Variants in EMID1 observed in about 807,000 individuals in gnomAD.
EMID1 encodes EMI domain containing 1, also known as EMI domain-containing protein 1.
EMID1 carries 40 observed loss-of-function variants against 60.6 expected under a neutral mutation model. The ratio of observed to expected loss-of-function variants is 0.66; its 90% confidence interval spans 0.51 to 0.86. The LOEUF is 0.86. EMID1 is among the 40% of genes least tolerant of loss of function. The pLI is 0.00. For synonymous variants in EMID1, 242 were observed against 231.0 expected (o/e 1.05, Z -0.43); for missense variants, 585 against 597.1 (o/e 0.98, Z 0.21).
chr22:29,225,355 A>C, intron 4 of EMID1, 139 bp downstream of exon 4: 1 of 889,614 alleles, frequency 1.1e-6, no homozygotes, highest in Non-Finnish European at 1.7e-6. Context: ...TTCCCACCCC[A>C]TGCTCCCCAG....
chr22:29,233,029 G>A (rs543447441), intron 8 of EMID1: 1 of 305,962 alleles, frequency 3.3e-6, no homozygotes, highest in East Asian at 6.5e-5. Flanking sequence ...TCCCAGAGCT[G>A]CGTAACATCC....
At chr22:29,221,471 T>C (rs1348628746) in intron 3 of EMID1, among the ~76,000 whole-genome samples, 1 of 152,136 alleles carries the variant, frequency 6.6e-6, no homozygotes, top group Non-Finnish European at 1.5e-5. Context: ...GTCTCCTGGG[T>C]TCACGCCATT....
chr22:29,252,040 C>G (rs1199078660), intron 13 of EMID1, among the ~76,000 whole-genome samples: 1 of 152,224 alleles, frequency 6.6e-6, no homozygotes, highest in African/African-American at 2.4e-5. Context: ...AACTCCTAGC[C>G]TCAGGTGATG....
chr22:29,213,340 G>A (rs1006838461), intron 1 of EMID1, among the ~76,000 whole-genome samples: 2 of 152,190 alleles, frequency 1.3e-5, no homozygotes, highest in South Asian at 4.1e-4. Flanking sequence ...CTCTGCATGG[G>A]ATGGCTGGCT....
chr22:29,255,504 G>T (rs772390275), intron 14 of EMID1: 1 of 597,998 alleles, frequency 1.7e-6, no homozygotes, highest in African/African-American at 1.8e-5. Flanking sequence ...AGCAAATGGT[G>T]CCTGGCAGAG....
In EMID1 at chr22:29,234,499, C is replaced by T. The variant is rs2040872575; in HGVS notation, c.1074+150C>T. ...GCTCCCTGTCTCTGAGACTCATTGTCCTCTTTGGATTAGGCTGCCTCTGTC... is the reference window on the plus strand; with the variant it reads ...GCTCCCTGTCTCTGAGACTCATTGTTCTCTTTGGATTAGGCTGCCTCTGTC... On this transcript the variant is annotated intron_variant, in intron 12 of 14. Transcript: ENST00000334018. 3 of 938,028 alleles carry T rather than the reference C, an allele frequency of 3.2e-6. No individual in the cohort carries two copies. In the Admixed American group the frequency reaches 8.0e-5, roughly 25 times the overall value. 58.1% of individuals were successfully genotyped at this position (938,028 alleles called of 1,614,324 possible).
chr22:29,213,080 C>A (rs1018405124), intron 1 of EMID1, among the ~76,000 whole-genome samples: 1 of 152,142 alleles, frequency 6.6e-6, no homozygotes, highest in Non-Finnish European at 1.5e-5. Context: ...TACATGTGCA[C>A]GCATATAGAA....
chr22:29,233,898 A>C, intron 10 of EMID1: 4 of 665,120 alleles, frequency 6.0e-6, no homozygotes, highest in Non-Finnish European at 1.0e-5. Flanking sequence ...ACCTAAGACC[A>C]AGAAAAGTAG....
At chr22:29,218,733 C>T (rs1270312019) in intron 3 of EMID1, among the ~76,000 whole-genome samples, 7 of 152,230 alleles carry the variant, frequency 4.6e-5, no homozygotes, top group Admixed American at 4.6e-4. Context: ...GGCCTGACCC[C>T]TGAGTGCCTG....
At chr22:29,231,193 G>C (rs1331951025) in intron 6 of EMID1, 53 bp downstream of exon 6, 11 of 1,536,220 alleles carry the variant, frequency 7.2e-6, no homozygotes, top group Admixed American at 4.1e-5. Context: ...GTTGGGAATC[G>C]GGGAAGTGGG....
intron 1 of EMID1, among the ~76,000 whole-genome samples, chr22:29,213,601 G>A (rs1301880432): frequency 6.6e-6 from 1 of 152,108 alleles, no homozygotes; most frequent in East Asian, 1.9e-4. Context: ...CACTGTGGTC[G>A]GCATGGGAGT....
Position 29,214,923 on chromosome 22 carries a change from C to G in EMID1, c.102-3C>G. On this transcript the variant is annotated splice_region_variant and splice_polypyrimidine_tract_variant and intron_variant, in intron 1 of 14. Coordinates refer to ENST00000334018, the MANE Select transcript of EMID1 (RefSeq NM_133455.4). ...GAGTTTCCTCTCTTTGGGTCTGTTTCAGGAACTGGTGCTCCTATGTGGTGA... is the reference window on the plus strand; with the variant it reads ...GAGTTTCCTCTCTTTGGGTCTGTTTGAGGAACTGGTGCTCCTATGTGGTGA... 1 of 1,520,642 alleles carries G rather than the reference C, an allele frequency of 6.6e-7. No individual in the cohort carries two copies. Among genetic ancestry groups the G allele is most frequent in the African/African-American group, 1.4e-5 (1 of 72,838 alleles). The allele number at this position is 1,520,642 out of a possible 1,614,324, so 94.2% of individuals were successfully genotyped here. A position where few individuals can be genotyped will look rare whatever the true frequency, so the allele number is the denominator to read the frequency against.
rs199875803 is a variant in EMID1 at position 29,232,332 on chromosome 22, A to G, written c.753A>G (p.Pro251=). The G allele has an allele frequency of 1.9e-6, 3 of 1,609,550 alleles. No homozygotes were observed. The highest frequency in any genetic ancestry group is 2.0e-4 in the Middle Eastern group (1 of 4,922). ...GTPGERGPPG[P]PGPPGPPGPP... ...CTGGAGAGAGGGGACCTCCTGGGCC[A>G]CCAGGGCCTCCTGGCCCCCCTGGGC... Residue 251 remains proline, a synonymous_variant, in exon 8 of 15, where the codon CCA becomes CCG. Transcript: ENST00000334018.
chr22:29,255,213 C>T (rs541653150), intron 14 of EMID1: 4 of 1,145,518 alleles, frequency 3.5e-6, no homozygotes, highest in Middle Eastern at 2.3e-4. Flanking sequence ...GCTTGGCTCC[C>T]CAGCCCAGCC....
intron 1 of EMID1, among the ~76,000 whole-genome samples, chr22:29,209,071 C>T (rs2039784239): frequency 6.6e-6 from 1 of 152,208 alleles, no homozygotes; most frequent in Non-Finnish European, 1.5e-5. Flanking sequence ...CCGCCCGGTC[C>T]TTTCTTTCTT....
intron 3 of EMID1, among the ~76,000 whole-genome samples, chr22:29,222,908 G>A (rs577112147): frequency 1.3e-5 from 2 of 152,144 alleles, no homozygotes; most frequent in South Asian, 2.1e-4. Context: ...TGGCTAATAC[G>A]GTGAAACCCC....
chr22:29,208,102 G>A (rs773462003), intron 1 of EMID1, among the ~76,000 whole-genome samples: 1 of 152,194 alleles, frequency 6.6e-6, no homozygotes, highest in Non-Finnish European at 1.5e-5. Flanking sequence ...GTCACATGGG[G>A]GTAGGGACCT....
chr22:29,242,712 TG>T (rs2041195198), intron 12 of EMID1, among the ~76,000 whole-genome samples: 1 of 152,206 alleles, frequency 6.6e-6, no homozygotes, highest in Non-Finnish European at 1.5e-5. Flanking sequence ...GAGACTTAGT[TG>T]TAGGTTTTAT....
At position 29,248,070 on chromosome 22, in the gene EMID1, A is replaced by G. The variant is rs147564335; in HGVS notation, c.1119+4581A>G. On this transcript the variant is annotated intron_variant, in intron 13 of 14. Transcript: ENST00000334018. ...GGGTTCAAGCGATTCTCATTGCCTCAGCCTCCCAAGTAGCTGGGACTACAG... is the reference window on the plus strand; with the variant it reads ...GGGTTCAAGCGATTCTCATTGCCTCGGCCTCCCAAGTAGCTGGGACTACAG... Among the ~76,000 whole-genome samples, 175 of 150,560 alleles carry G rather than the reference A, an allele frequency of 1.2e-3. 1 individual carries two copies. The highest frequency in any genetic ancestry group is 4.2e-3 in the African/African-American group (172 of 40,838).
Sources: allele counts gnomAD v4.1 joint callset (sites outside exome capture counted in the v4.1 genomes callset), GRCh38; gene constraint gnomAD v4.1.1; transcripts MANE v1.5; gene names NCBI Gene and HGNC (gene_info 2026-07-23, HGNC 2026-07-21).